Variants in ELMO1 observed in about 807,000 individuals in gnomAD.
ELMO1 encodes engulfment and cell motility 1, also known as engulfment and cell motility protein 1.
ELMO1 carries 26 observed loss-of-function variants against 98.9 expected under a neutral mutation model. The observed-to-expected ratio is 0.26, with a 90% CI of 0.19 to 0.36. The LOEUF (loss-of-function observed/expected upper bound fraction) is 0.36. ELMO1 is among the 10% of genes least tolerant of loss of function. The pLI, the probability that ELMO1 is intolerant of heterozygous loss-of-function variation, is 1.00. For synonymous variants in ELMO1, 346 were observed against 346.0 expected (o/e 1.00, Z 0.00); for missense variants, 627 against 935.2 (o/e 0.67, Z 4.30).
At chr7:37,167,386 G>A (rs1304995231) in intron 13 of ELMO1, among the ~76,000 whole-genome samples, 6 of 152,038 alleles carry the variant, frequency 3.9e-5, no homozygotes, top group African/African-American at 4.8e-5. Flanking sequence ...TCATTATGAT[G>A]TTAGCTGGTT....
intron 15 of ELMO1, among the ~76,000 whole-genome samples, chr7:37,018,425 C>G (rs1794075670): frequency 6.6e-6 from 1 of 150,786 alleles, no homozygotes; most frequent in South Asian, 2.1e-4. Flanking sequence ...TGTGCCTGGC[C>G]TACTTACTAT....
intron 15 of ELMO1, among the ~76,000 whole-genome samples, chr7:37,051,655 G>A (rs183401035): frequency 2.4e-3 from 366 of 152,010 alleles, no homozygotes; most frequent in Non-Finnish European, 4.3e-3. Flanking sequence ...ATAATTGGGT[G>A]TAACACTGTT....
intron 14 of ELMO1, among the ~76,000 whole-genome samples, chr7:37,127,872 C>G (rs559414225): frequency 6.6e-6 from 1 of 152,006 alleles, no homozygotes; most frequent in African/African-American, 2.4e-5. Flanking sequence ...TTCAGTAGTT[C>G]CCAGTGAATA....
rs1384114248 is a variant in ELMO1 at position 37,259,176 on chromosome 7, C to T, written c.413+5G>A. The T allele has an allele frequency of 3.1e-6, 5 of 1,608,444 alleles. No homozygotes were observed. Among genetic ancestry groups the T allele is most frequent in the Non-Finnish European group, 4.2e-6 (5 of 1,176,512 alleles). ...GCTGTGGAAGTTAGGAAAAAAGACG[C>T]TTACTCAGTGCCGCTCTCCACCATC... On this transcript the variant is annotated splice_donor_5th_base_variant and intron_variant, in intron 6 of 21. Transcript: ENST00000310758.
intron 1 of ELMO1, among the ~76,000 whole-genome samples, chr7:37,380,003 T>C (rs1000253170): frequency 2.6e-5 from 4 of 152,198 alleles, no homozygotes; most frequent in African/African-American, 9.6e-5. Context: ...GTTGCATATA[T>C]GTTTACCCAT....
chr7:37,128,192 T>TAAAC (rs139224349), intron 14 of ELMO1, among the ~76,000 whole-genome samples: 21 of 151,958 alleles, frequency 1.4e-4, no homozygotes, highest in East Asian at 5.8e-4. Context: ...GACTGTATCT[T>TAAAC]AAACAAACAA....
intron 13 of ELMO1, among the ~76,000 whole-genome samples, chr7:37,187,543 C>T (rs1791290059): frequency 6.6e-6 from 1 of 152,144 alleles, no homozygotes; most frequent in African/African-American, 2.4e-5. Flanking sequence ...TCCCAATTCA[C>T]CCCATTCTTC....
chr7:37,293,294 A>G (rs1177277401), intron 4 of ELMO1, among the ~76,000 whole-genome samples: 1 of 133,578 alleles, frequency 7.5e-6, no homozygotes, highest in Non-Finnish European at 1.7e-5. Flanking sequence ...AAGGTGGGGA[A>G]AAGATTGAGA....
chr7:37,236,921 A>G (rs1451559004), intron 7 of ELMO1, among the ~76,000 whole-genome samples: 1 of 152,248 alleles, frequency 6.6e-6, no homozygotes, highest in Non-Finnish European at 1.5e-5. Flanking sequence ...TGCTGGGTAT[A>G]GAGAGTCAAG....
intron 2 of ELMO1, among the ~76,000 whole-genome samples, chr7:37,316,810 G>C (rs1351924902): frequency 6.6e-6 from 1 of 152,108 alleles, no homozygotes; most frequent in Non-Finnish European, 1.5e-5. Flanking sequence ...ACATGGTCCT[G>C]GATTTTCAGA....
At chr7:37,406,791 G>A (rs17171031) in intron 1 of ELMO1, among the ~76,000 whole-genome samples, 35,272 of 151,902 alleles carry the variant, frequency 0.23, 4,325 homozygotes, top group East Asian at 0.41. Context: ...TATAGCATTA[G>A]CTAGAGGATC....
chr7:37,254,584 T>C (rs1443060360), intron 6 of ELMO1, among the ~76,000 whole-genome samples: 1 of 152,052 alleles, frequency 6.6e-6, no homozygotes, highest in Admixed American at 6.6e-5. Flanking sequence ...CTAGGCTGAG[T>C]AGTGTACGCA....
chr7:36,866,448 G>A (rs911254815), intron 20 of ELMO1, among the ~76,000 whole-genome samples: 1 of 152,160 alleles, frequency 6.6e-6, no homozygotes, highest in Non-Finnish European at 1.5e-5. Flanking sequence ...GCTATTTCAG[G>A]CACTCCCATG....
intron 1 of ELMO1, among the ~76,000 whole-genome samples, chr7:37,362,044 G>A (rs1319023716): frequency 6.6e-6 from 1 of 152,098 alleles, no homozygotes; most frequent in East Asian, 1.9e-4. Flanking sequence ...TTTTCAGGGT[G>A]ATGAAACTGG....
chr7:37,101,102 T>C (rs73335547), intron 14 of ELMO1, among the ~76,000 whole-genome samples: 1 of 152,276 alleles, frequency 6.6e-6, no homozygotes, highest in African/African-American at 2.4e-5. Context: ...TAAACCAAAA[T>C]CATGACTGCA....
intron 4 of ELMO1, among the ~76,000 whole-genome samples, chr7:37,276,671 G>A (rs1280000227): frequency 6.6e-6 from 1 of 152,198 alleles, no homozygotes; most frequent in Non-Finnish European, 1.5e-5. Flanking sequence ...TTTGTTTTTA[G>A]CTAGACCCTA....
chr7:37,166,479 C>G (rs1224659937), intron 13 of ELMO1, among the ~76,000 whole-genome samples: 1 of 152,058 alleles, frequency 6.6e-6, no homozygotes, highest in Non-Finnish European at 1.5e-5. Context: ...ACATTTAGTG[C>G]TATAAATTTC....
chr7:37,166,236 T>C (rs1789680846), intron 13 of ELMO1, among the ~76,000 whole-genome samples: 1 of 152,190 alleles, frequency 6.6e-6, no homozygotes, highest in South Asian at 2.1e-4. Context: ...TCTTTTTTTC[T>C]TTATTAGTCT....
chr7:37,028,686 G>A (rs879565009), intron 15 of ELMO1, among the ~76,000 whole-genome samples: 1 of 152,106 alleles, frequency 6.6e-6, no homozygotes, highest in Non-Finnish European at 1.5e-5. Context: ...GGGCTCAAGC[G>A]ACCGTCCCGC....
Sources: allele counts gnomAD v4.1 joint callset (sites outside exome capture counted in the v4.1 genomes callset), GRCh38; gene constraint gnomAD v4.1.1; transcripts MANE v1.5; gene names NCBI Gene and HGNC (gene_info 2026-07-23, HGNC 2026-07-21).